The following SLC9A6 variants were observed in gnomAD, a reference collection of about 807,000 sequenced individuals.
SLC9A6 encodes the protein solute carrier family 9 member A6.
Under a neutral mutation model 45.3 loss-of-function variants are expected in SLC9A6, and 6 were observed. The observed-to-expected ratio is 0.13, with a 90% confidence interval of 0.07 to 0.26. SLC9A6 has a LOEUF of 0.26. Among genes scored for constraint, SLC9A6 ranks in the 10% least tolerant of loss-of-function variants. SLC9A6 has a pLI of 1.00. For missense variants in SLC9A6, 278 were observed against 503.7 expected, an observed-to-expected ratio of 0.55 and a Z score of 4.29; for synonymous variants, 191 against 187.7, an observed-to-expected ratio of 1.02 and a Z score of -0.14.
upstream of SLC9A6, chrX:135,973,884 G>A (rs2089237983): frequency 1.7e-6 from 2 of 1,154,076 alleles, no homozygotes; most frequent in Non-Finnish European, 2.3e-6. Flanking sequence ...AAAAAGGTCC[G>A]CGAGAACCCA....
intron 14 of SLC9A6, chrX:136,029,353 TCA>T (rs1556620844): frequency 1.8e-5 from 2 of 112,035 alleles, no homozygotes; most frequent in African/African-American, 6.6e-5. Flanking sequence ...TAAGCCACTC[TCA>T]GAGTCCTTTG....
intron 1 of SLC9A6, among the ~76,000 whole-genome samples, chrX:135,978,985 A>ACTT (rs1261792094): frequency 2.8e-5 from 3 of 107,802 alleles, no homozygotes; most frequent in African/African-American, 6.8e-5. Context: ...GCCCCTCCCT[A>ACTT]CTTCTTGTTT....
intron 16 of SLC9A6, 169 bp from the exon 17 acceptor site, chrX:136,039,907 C>T (rs2071477597): frequency 2.1e-6 from 1 of 484,773 alleles, no homozygotes; most frequent in Admixed American, 2.9e-5. Context: ...GATAAAATAC[C>T]CCTTTGCTGT....
At chrX:135,979,730 A>G (rs1283439338) in intron 1 of SLC9A6, among the ~76,000 whole-genome samples, 4 of 111,291 alleles carry the variant, frequency 3.6e-5, no homozygotes, top group African/African-American at 1.3e-4. Context: ...GACCTTTATA[A>G]CCTCCTAACT....
rs782691561 is a variant in SLC9A6, at chrX:136,024,630, A to G, written c.1460+147A>G. 2.1e-5 allele frequency: 11 copies of G among 519,875 alleles called. No homozygotes were observed. In the African/African-American group the frequency reaches 2.6e-4, roughly 12 times the overall value. 42.8% of individuals were successfully genotyped at this position (519,875 alleles called of 1,213,427 possible). On this transcript the variant is annotated intron_variant, in intron 13 of 17. Coordinates refer to ENST00000630721, the MANE Select transcript of SLC9A6 (RefSeq NM_001379110.1). ...ATGTAATATATAGTACAGAAAAAGG[A>G]AAATATATATGCAAAAGAAAAATTC...
At chrX:135,990,008 C>CGGAGTCT (rs1556615446) in intron 2 of SLC9A6, among the ~76,000 whole-genome samples, 1 of 111,136 alleles carries the variant, frequency 9.0e-6, no homozygotes, top group Non-Finnish European at 1.9e-5. Flanking sequence ...TGTTTTGAGA[C>CGGAGTCT]GGAGTCTCGC....
At chrX:136,005,148 C>G (rs1339594411) in intron 7 of SLC9A6, among the ~76,000 whole-genome samples, 2 of 112,333 alleles carry the variant, frequency 1.8e-5, no homozygotes, top group Non-Finnish European at 3.8e-5. Flanking sequence ...CTGATGTGCC[C>G]TGTGCCTTAG....
At position 136,020,320 on chromosome X, in the gene SLC9A6, ATTTATTGTTTTATTCAGTCATTTTT is replaced by A. The variant is rs782368538; in HGVS notation, c.1195-2264_1195-2240del. Among the ~76,000 whole-genome samples, 931 of 111,127 alleles carry A rather than the reference ATTTATTGTTTTATTCAGTCATTTTT, an allele frequency of 8.4e-3. 9 individuals are homozygous for A. The highest frequency in any genetic ancestry group is 0.029 in the African/African-American group (897 of 30,588). On this transcript the variant is annotated intron_variant, in intron 11 of 17. Coordinates refer to ENST00000630721, the MANE Select transcript of SLC9A6 (RefSeq NM_001379110.1). Reference sequence around the variant, plus strand: ...ACAGGAGATTTATCTATTCTTCCTCATTTATTGTTTTATTCAGTCATTTTTTAATTATTATTACTTTTTTTTTTGA... The same window carrying A: ...ACAGGAGATTTATCTATTCTTCCTCATAATTATTATTACTTTTTTTTTTGA...
At chrX:136,010,257 C>G in intron 7 of SLC9A6, 185 bp from the exon 8 acceptor site, 1 of 249,254 alleles carries the variant, frequency 4.0e-6, no homozygotes, top group Non-Finnish European at 7.3e-6. Flanking sequence ...TAAGGGAAAG[C>G]CAAGTTTTCT....
chrX:136,005,546 T>C (rs900267919), intron 7 of SLC9A6, among the ~76,000 whole-genome samples: 1 of 111,763 alleles, frequency 8.9e-6, no homozygotes, highest in Non-Finnish European at 1.9e-5. Context: ...TCAGGCGTGG[T>C]GGCACACGCC....
chrX:136,006,961 G>A (rs1458902463), intron 7 of SLC9A6, among the ~76,000 whole-genome samples: 3 of 110,460 alleles, frequency 2.7e-5, no homozygotes, highest in Non-Finnish European at 5.7e-5. Context: ...CCGCCTCCCA[G>A]GTTCAAGCGA....
intron 10 of SLC9A6, 128 bp from the exon 11 acceptor site, chrX:136,016,517 A>G: frequency 2.1e-6 from 1 of 469,280 alleles, no homozygotes; most frequent in Non-Finnish European, 3.7e-6. Flanking sequence ...TCCCTTCTGA[A>G]CCACATATTT....
chrX:135,978,103 C>T (rs1436995811), intron 1 of SLC9A6, among the ~76,000 whole-genome samples: 3 of 112,488 alleles, frequency 2.7e-5, no homozygotes, highest in East Asian at 5.6e-4. Flanking sequence ...TAGTCTTACA[C>T]ATAGTAAACA....
chrX:136,016,581 A>G lies in SLC9A6; in HGVS notation c.1081-64A>G, dbSNP rs1315323038. The G allele has an allele frequency of 4.9e-6, 3 of 612,618 alleles. No homozygotes were observed. In the African/African-American group the frequency reaches 6.6e-5, roughly 13 times the overall value. The allele number at this position is 612,618 out of a possible 1,213,427, so 50.5% of individuals were successfully genotyped here. ...GAGTGTCTGTTTTAATATCTTAGTA[A>G]TACTCATGCTTTCAAATTATGTAAC... On this transcript the variant is annotated intron_variant, in intron 10 of 17. Transcript: ENST00000630721.
intron 1 of SLC9A6, chrX:135,974,985 A>G: frequency 4.2e-6 from 1 of 235,312 alleles, no homozygotes; most frequent in Non-Finnish European, 8.0e-6. Context: ...ATCTCCTGAA[A>G]TGTAGACATT....
intron 2 of SLC9A6, among the ~76,000 whole-genome samples, chrX:135,994,570 T>A (rs2089473663): frequency 8.9e-6 from 1 of 111,923 alleles, no homozygotes. Flanking sequence ...TCCTAGGGAA[T>A]GTTTTTCTCT....
intron 1 of SLC9A6, among the ~76,000 whole-genome samples, chrX:135,978,322 G>A (rs1454614754): frequency 9.0e-6 from 1 of 111,724 alleles, no homozygotes; most frequent in African/African-American, 3.3e-5. Context: ...AGTATCCTAG[G>A]TTACTTGTGT....
intron 7 of SLC9A6, among the ~76,000 whole-genome samples, chrX:136,009,261 C>T (rs371838674): frequency 2.7e-5 from 3 of 111,492 alleles, no homozygotes; most frequent in African/African-American, 9.8e-5. Context: ...CACATTTAAA[C>T]GTAAATGTTT....
upstream of SLC9A6, among the ~76,000 whole-genome samples, chrX:135,981,504 A>T (rs782199660): frequency 9.0e-6 from 1 of 111,019 alleles, no homozygotes; most frequent in East Asian, 2.8e-4. Context: ...ATCCTGGAAA[A>T]TTTGGTGATC....
Sources: allele counts gnomAD v4.1 joint callset (sites outside exome capture counted in the v4.1 genomes callset), GRCh38; gene constraint gnomAD v4.1.1; transcripts MANE v1.5; gene names NCBI Gene and HGNC (gene_info 2026-07-23, HGNC 2026-07-21).